Variants in MFAP3L observed in about 807,000 individuals in gnomAD.
The protein encoded by MFAP3L is microfibril associated protein 3 like, also known as microfibrillar-associated protein 3-like.
A neutral mutation model predicts 20.0 loss-of-function variants in MFAP3L; 5 were observed. The ratio of observed to expected loss-of-function variants is 0.25; its 90% CI spans 0.13 to 0.53. The LOEUF (loss-of-function observed/expected upper bound fraction) is 0.53. Ranked by LOEUF, MFAP3L falls within the 20% of genes least tolerant of loss-of-function variation. The probability of loss-of-function intolerance (pLI) is 0.96; values close to 1 mark genes in which losing one functional copy is unlikely to be tolerated. For synonymous variants in MFAP3L, 219 were observed against 213.0 expected, an observed-to-expected ratio of 1.03 and a Z score of -0.25; for missense variants, 409 against 527.5, an observed-to-expected ratio of 0.78 and a Z score of 2.20.
Position 169,991,713 on chromosome 4 carries a change from G to A in MFAP3L, c.895C>T (p.Pro299Ser), listed in dbSNP as rs769254312. ...IPNSLKRSDS[P>S]AADSDASSLH... is the part of the protein sequence containing the mutation. Reference sequence around the variant, plus strand: ...GATGAGGCGTCCGAGTCAGCGGCAGGGGAGTCGCTCCGCTTCAGAGAGTTG... The same window carrying A: ...GATGAGGCGTCCGAGTCAGCGGCAGAGGAGTCGCTCCGCTTCAGAGAGTTG... Residue 299 changes from proline (P) to serine (S), a missense_variant, in exon 3 of 3, where the codon CCT (proline) becomes TCT (serine). By Grantham distance (74) the Pro-to-Ser change is moderately conservative (BLOSUM62 -1). Around this residue, in one of 3 missense-constraint regions of MFAP3L, gnomAD observed 169 missense variants for 178.2 expected, o/e 0.95. Transcript: ENST00000361618. This position sits in a 1 kb window ranked among gnomAD's most constrained non-coding sequence, Gnocchi z 4.9. 1.5e-5 allele frequency: 24 copies of A among 1,614,006 alleles called. No homozygotes were observed. In the South Asian group the frequency reaches 2.4e-4, roughly 16 times the overall value.
Position 169,987,376 on chromosome 4 carries a change from A to T in MFAP3L, c.*4002T>A, listed in dbSNP as rs1318743841. ...ATAGAAACATTTATAGAATTACTCA[A>T]TGCCAAAAGGGTACGTGAAGAGCGG... On this transcript the variant is annotated 3_prime_UTR_variant, in exon 3 of 3. Coordinates refer to ENST00000361618, the MANE Select transcript of MFAP3L (RefSeq NM_021647.8). 6.6e-6 allele frequency: 1 copy of T among 152,206 alleles called. No homozygotes were observed. Among genetic ancestry groups the T allele is most frequent in the Non-Finnish European group, 1.5e-5 (1 of 68,024 alleles). The allele number at this position is 152,206 out of a possible 1,614,324, so 9.4% of individuals were successfully genotyped here.
chr4:169,991,506 G>T lies in MFAP3L; in HGVS notation c.1102C>A (p.Leu368Ile), dbSNP rs1232749940. ...ACAGGTGTTGGCTCTTCAGATGTTA[G>T]CTCGGTGGACGTGACATCGGTAGAA... is the stretch of plus-strand genomic sequence containing the variant. ...EPSTDVTSTELTSEEPTPVEV... is the reference protein window; with the variant it reads ...EPSTDVTSTEITSEEPTPVEV... Residue 368 changes from leucine to isoleucine, a missense_variant, in exon 3 of 3, where the codon CTA (leucine) becomes ATA (isoleucine). Transcript: ENST00000361618. The surrounding 1 kb of genome is among the most constrained non-coding windows in gnomAD (Gnocchi z 4.9). The T allele has an allele frequency of 6.2e-7, 1 of 1,614,170 alleles. No homozygotes were observed. The highest frequency in any genetic ancestry group is 2.2e-5 in the East Asian group (1 of 44,878).
At position 169,989,665 on chromosome 4, in the gene MFAP3L, G is replaced by T. The variant is rs1261114296; in HGVS notation, c.*1713C>A. 2 of 152,218 alleles carry T rather than the reference G, an allele frequency of 1.3e-5. No homozygotes were observed. Among genetic ancestry groups the T allele is most frequent in the Non-Finnish European group, 2.9e-5 (2 of 68,040 alleles). The allele number at this position is 152,218 out of a possible 1,614,324, so 9.4% of individuals were successfully genotyped here. A position where few individuals can be genotyped will look rare whatever the true frequency, so the allele number is the denominator to read the frequency against. On this transcript the variant is annotated 3_prime_UTR_variant, in exon 3 of 3. Coordinates refer to ENST00000361618, the MANE Select transcript of MFAP3L (RefSeq NM_021647.8). ...TCACCTCCTCAGATGGTGACAGAGT[G>T]AGGACTAAACATCTGGGTCTGCTCT...
Position 169,991,908 on chromosome 4 carries a change from T to C in MFAP3L, c.700A>G (p.Ile234Val). The C allele has an allele frequency of 6.2e-7, 1 of 1,614,188 alleles. No individual in the cohort carries two copies. Among genetic ancestry groups the C allele is most frequent in the Non-Finnish European group, 8.5e-7 (1 of 1,180,030 alleles). ...QFKTMEFARYIEELARSVPLP... is the reference protein window; with the variant it reads ...QFKTMEFARYVEELARSVPLP... ...GGCACGCTCCTGGCAAGCTCTTCGA[T>C]GTAGCGGGCGAACTCCATGGTTTTG... The change falls in exon 3 of 3, where the codon ATC (isoleucine) becomes GTC (valine). Residue 234 changes from isoleucine to valine, a missense_variant. This residue lies in a region of MFAP3L where 127 missense variants were observed against 218.1 expected (regional missense o/e 0.58). Transcript: ENST00000361618. The surrounding 1 kb of genome is among the most constrained non-coding windows in gnomAD (Gnocchi z 4.9).
chr4:170,013,273 C>T (rs4321597), intron 1 of MFAP3L, among the ~76,000 whole-genome samples: 67,728 of 151,838 alleles, frequency 0.45, 15,354 homozygotes, highest in East Asian at 0.71. Flanking sequence ...TGTTGATATC[C>T]TACTAAACAT....
chr4:170,005,371 T>G, intron 2 of MFAP3L: 1 of 608,164 alleles, frequency 1.6e-6, no homozygotes, highest in Non-Finnish European at 2.8e-6. Flanking sequence ...CTTCTGTGTT[T>G]GTCCTTTGTC....
rs1191062167 is a variant in MFAP3L at position 170,008,657 on chromosome 4, C to T, written c.-133-2647G>A. Among the ~76,000 whole-genome samples the T allele has an allele frequency of 2.6e-5, 4 of 152,282 alleles. No individual in the cohort carries two copies. The South Asian group carries it at 6.2e-4, about 24-fold the overall frequency. On this transcript the variant is annotated intron_variant, in intron 1 of 2. Coordinates refer to ENST00000361618, the MANE Select transcript of MFAP3L (RefSeq NM_021647.8). ...CTAGAGATGATGTTTGTTGACTGCC[C>T]ATCCAGCATCCAGGCCCTCTTCTGC... is the stretch of plus-strand genomic sequence containing the variant.
At position 169,991,472 on chromosome 4, in the gene MFAP3L, G is replaced by C; in HGVS notation, c.1136C>G (p.Pro379Arg). 1 of 1,614,130 alleles carries C rather than the reference G, an allele frequency of 6.2e-7. No homozygotes were observed. The highest frequency in any genetic ancestry group is 8.5e-7 in the Non-Finnish European group (1 of 1,180,034). Reference sequence around the variant, plus strand: ...GTAAGCTGGCGGCAGTACCTTATCTGGTACCTCAACAGGTGTTGGCTCTTC... The same window carrying C: ...GTAAGCTGGCGGCAGTACCTTATCTCGTACCTCAACAGGTGTTGGCTCTTC... ...TSEEPTPVEV[P>R]DKVLPPAYLE... Residue 379 changes from proline (P) to arginine (R), a missense_variant, in exon 3 of 3, where the codon CCA becomes CGA. Transcript: ENST00000361618. The surrounding 1 kb of genome is among the most constrained non-coding windows in gnomAD (Gnocchi z 4.9).
At chr4:170,009,556 G>T (rs565348071) in intron 1 of MFAP3L, among the ~76,000 whole-genome samples, 2 of 152,110 alleles carry the variant, frequency 1.3e-5, no homozygotes, top group Admixed American at 6.5e-5. Flanking sequence ...CAAAATACAA[G>T]AACAAAGACC....
chr4:170,011,397 T>A (rs1413843463), intron 1 of MFAP3L, among the ~76,000 whole-genome samples: 2 of 152,198 alleles, frequency 1.3e-5, no homozygotes, highest in Non-Finnish European at 2.9e-5. Flanking sequence ...CAGAGATTCA[T>A]ACTGCCCTTT....
intron 2 of MFAP3L, chr4:169,993,888 A>C (rs1307470658): frequency 6.6e-6 from 1 of 152,556 alleles, no homozygotes; most frequent in African/African-American, 2.4e-5. Context: ...GTATGAACAA[A>C]CCAACCTACT....
At chr4:170,011,825 G>A (rs141957104) in intron 1 of MFAP3L, among the ~76,000 whole-genome samples, 20 of 152,328 alleles carry the variant, frequency 1.3e-4, no homozygotes, top group African/African-American at 4.8e-4. Context: ...GTTTGGATGA[G>A]CCAGGAAGAA....
chr4:170,017,876 A>G (rs1435486000), intron 1 of MFAP3L, among the ~76,000 whole-genome samples: 1 of 152,120 alleles, frequency 6.6e-6, no homozygotes, highest in African/African-American at 2.4e-5. Flanking sequence ...GGCTGAGCAC[A>G]CTTTCCAGGT....
intron 1 of MFAP3L, among the ~76,000 whole-genome samples, chr4:170,017,574 C>T (rs1484438409): frequency 1.3e-5 from 2 of 152,190 alleles, no homozygotes; most frequent in African/African-American, 4.8e-5. Context: ...CTCCTGTTAC[C>T]TGCACACGGT....
intron 2 of MFAP3L, among the ~76,000 whole-genome samples, chr4:169,996,177 TCA>T (rs1275484214): frequency 7.2e-6 from 1 of 138,170 alleles, no homozygotes; most frequent in African/African-American, 3.5e-5. Context: ...CAGGGACCTG[TCA>T]CAGTCTTCCC....
intron 2 of MFAP3L, among the ~76,000 whole-genome samples, chr4:170,001,772 C>T (rs1400813669): frequency 6.6e-6 from 1 of 152,230 alleles, no homozygotes; most frequent in Non-Finnish European, 1.5e-5. Flanking sequence ...CTACCTCAAA[C>T]AGGTTCTTTG....
Position 170,026,362 on chromosome 4 carries a change from G to T in MFAP3L, c.-262C>A. The T allele has an allele frequency of 1.1e-6, 1 of 876,498 alleles. No homozygotes were observed. Among genetic ancestry groups the T allele is most frequent in the Non-Finnish European group, 1.4e-6 (1 of 731,570 alleles). 54.3% of individuals were successfully genotyped at this position (876,498 alleles called of 1,614,324 possible). On this transcript the variant is annotated 5_prime_UTR_variant, in exon 1 of 3. Transcript: ENST00000361618. The stretch of plus-strand genomic sequence containing the variant: ...TACTGCGGGCGAGCCGCCTCCGCCG[G>T]CGCCTCACAGCGTTGCGAGCTGCGC...
At position 169,992,017 on chromosome 4, in the gene MFAP3L, C is replaced by T. The variant is rs752935231; in HGVS notation, c.591G>A (p.Lys197=). ...NEFFRTEGAE[K]LQKAFEIAKR... is the part of the protein sequence containing the mutation. ...TGGCGATCTCAAATGCCTTCTGCAG[C>T]TTCTCTGCACCTTCGGTCCTAAAGA... is the stretch of plus-strand genomic sequence containing the variant. Residue 197 remains lysine, a synonymous_variant, in exon 3 of 3, where the codon AAG becomes AAA. Coordinates refer to ENST00000361618, the MANE Select transcript of MFAP3L (RefSeq NM_021647.8). This position sits in a 1 kb window ranked among gnomAD's most constrained non-coding sequence, Gnocchi z 4.3. 3 of 1,614,170 alleles carry T rather than the reference C, an allele frequency of 1.9e-6. No homozygotes were observed. Among genetic ancestry groups the T allele is most frequent in the South Asian group, 2.2e-5 (2 of 91,086 alleles).
chr4:169,996,288 C>T (rs1738159581), intron 2 of MFAP3L, among the ~76,000 whole-genome samples: 1 of 138,646 alleles, frequency 7.2e-6, no homozygotes, highest in Non-Finnish European at 1.5e-5. Flanking sequence ...ACAAAGCTGA[C>T]ATTTGTAGAA....
Sources: gnomAD v4.1 joint callset for allele counts (sites outside exome capture counted in the v4.1 genomes callset) on GRCh38, gnomAD v4.1.1 for gene constraint, gnomAD v4.1.1 regional missense constraint, Gnocchi (gnomAD v3.1) non-coding constraint, MANE v1.5 for transcripts, NCBI Gene and HGNC (gene_info 2026-07-23, HGNC 2026-07-21) for gene names.